Variants in ARHGAP18 observed in about 807,000 individuals in gnomAD.
ARHGAP18 encodes the protein Rho GTPase activating protein 18, also known as rho GTPase-activating protein 18.
A neutral mutation model predicts 86.2 loss-of-function variants in ARHGAP18; 67 were observed. That is an observed-to-expected ratio of 0.78 (90% CI 0.64 to 0.95). ARHGAP18 has a LOEUF of 0.95. ARHGAP18 is among the 40% of genes least tolerant of loss of function. The pLI is 0.00. For missense variants in ARHGAP18, 691 were observed against 780.4 expected (o/e 0.89, Z 1.37); for synonymous variants, 283 against 280.4 (o/e 1.01, Z -0.09).
chr6:129,603,634 T>C (rs1279297687), intron 10 of ARHGAP18, among the ~76,000 whole-genome samples: 1 of 152,198 alleles, frequency 6.6e-6, no homozygotes, highest in Non-Finnish European at 1.5e-5. Context: ...ACAATGTATA[T>C]AATGAGCTTC....
chr6:129,687,575 T>A (rs1264368209), intron 1 of ARHGAP18, among the ~76,000 whole-genome samples: 1 of 152,194 alleles, frequency 6.6e-6, no homozygotes. Flanking sequence ...AGAGGATCTT[T>A]GCTCTAGGAA....
At chr6:129,686,761 T>C (rs1774430581) in intron 1 of ARHGAP18, among the ~76,000 whole-genome samples, 1 of 152,066 alleles carries the variant, frequency 6.6e-6, no homozygotes, top group South Asian at 2.1e-4. Flanking sequence ...CCCGTCATCT[T>C]TCACTGAATT....
chr6:129,625,377 TA>T (rs1789372485), intron 5 of ARHGAP18, among the ~76,000 whole-genome samples: 2 of 82,518 alleles, frequency 2.4e-5, no homozygotes, highest in East Asian at 3.9e-4. Context: ...TTATATATAT[TA>T]TATATTATAT....
At chr6:129,585,429 G>A (rs1265576643) in intron 12 of ARHGAP18, among the ~76,000 whole-genome samples, 1 of 152,160 alleles carries the variant, frequency 6.6e-6, no homozygotes, top group Non-Finnish European at 1.5e-5. Flanking sequence ...TACCCTAAAA[G>A]ATTTAATATT....
intron 4 of ARHGAP18, among the ~76,000 whole-genome samples, chr6:129,630,037 T>G (rs1773164515): frequency 6.6e-6 from 1 of 152,132 alleles, no homozygotes; most frequent in African/African-American, 2.4e-5. Context: ...ATAGTAAAAA[T>G]TCCAAAACAA....
intron 12 of ARHGAP18, among the ~76,000 whole-genome samples, chr6:129,597,621 G>A (rs1327821540): frequency 6.6e-6 from 1 of 152,002 alleles, no homozygotes; most frequent in African/African-American, 2.4e-5. Flanking sequence ...CCTCGAGGGT[G>A]AGCACCCAGC....
chr6:129,661,969 T>C, intron 1 of ARHGAP18: 1 of 954,028 alleles, frequency 1.0e-6, no homozygotes, highest in Non-Finnish European at 1.2e-6. Flanking sequence ...CTACCTGGTG[T>C]TGCCACACAC....
chr6:129,609,264 C>A (rs927338671), intron 8 of ARHGAP18, among the ~76,000 whole-genome samples: 1 of 152,056 alleles, frequency 6.6e-6, no homozygotes, highest in Non-Finnish European at 1.5e-5. Flanking sequence ...TGCATATTAT[C>A]TTTTAAATTA....
chr6:129,578,274 CTAAT>C lies in ARHGAP18; in HGVS notation c.*235_*238del, dbSNP rs567579596. 1.4e-4 allele frequency: 27 copies of C among 192,046 alleles called. 1 individual carries two copies. Among genetic ancestry groups the C allele is most frequent in the Non-Finnish European group, 2.1e-4 (20 of 95,400 alleles). 11.9% of individuals were successfully genotyped at this position (192,046 alleles called of 1,614,324 possible). On this transcript the variant is annotated 3_prime_UTR_variant, in exon 15 of 15. Transcript: ENST00000368149. ...AGAGCATATGAAAACTGCCCACAAA[CTAAT>C]TAAGCCTCTTTACTCTCACTCCAGA...
chr6:129,701,412 C>G (rs1463267003), intron 1 of ARHGAP18, among the ~76,000 whole-genome samples: 1 of 152,202 alleles, frequency 6.6e-6, no homozygotes, highest in Non-Finnish European at 1.5e-5. Flanking sequence ...AGATCATAAG[C>G]TGCCTGGGGT....
intron 1 of ARHGAP18, among the ~76,000 whole-genome samples, chr6:129,706,714 C>A: frequency 6.6e-6 from 1 of 150,962 alleles, no homozygotes; most frequent in African/African-American, 2.4e-5. Flanking sequence ...TGGTGAAACC[C>A]CGTCTCTACT....
intron 4 of ARHGAP18, among the ~76,000 whole-genome samples, chr6:129,633,646 T>A (rs140265825): frequency 6.8e-4 from 103 of 152,286 alleles, no homozygotes; most frequent in Non-Finnish European, 1.3e-3. Context: ...TGCTGCAAGT[T>A]TGTTGGCTCA....
At chr6:129,594,482 T>C (rs1373462404) in intron 12 of ARHGAP18, among the ~76,000 whole-genome samples, 1 of 152,202 alleles carries the variant, frequency 6.6e-6, no homozygotes, top group Non-Finnish European at 1.5e-5. Flanking sequence ...CTTTATTTTC[T>C]TACTCCATAT....
intron 2 of ARHGAP18, among the ~76,000 whole-genome samples, chr6:129,639,653 G>A (rs117126547): frequency 0.011 from 1,726 of 152,246 alleles, 22 homozygotes; most frequent in Middle Eastern, 0.031. Context: ...CTTCTTGACG[G>A]CAGAAATCAA....
intron 1 of ARHGAP18, among the ~76,000 whole-genome samples, chr6:129,650,264 G>A (rs1373646958): frequency 2.0e-5 from 3 of 151,928 alleles, no homozygotes; most frequent in Non-Finnish European, 2.9e-5. Context: ...TAGGGACATA[G>A]TAACCACCAC....
intron 6 of ARHGAP18, among the ~76,000 whole-genome samples, chr6:129,618,000 C>T (rs1789130824): frequency 6.6e-6 from 1 of 150,916 alleles, no homozygotes; most frequent in Non-Finnish European, 1.5e-5. Flanking sequence ...ATGTGGATTT[C>T]AATACCAATA....
At chr6:129,695,319 A>C (rs1774597136) in intron 1 of ARHGAP18, among the ~76,000 whole-genome samples, 1 of 152,160 alleles carries the variant, frequency 6.6e-6, no homozygotes, top group African/African-American at 2.4e-5. Context: ...TGTTTACACC[A>C]AATATTGAAC....
In ARHGAP18 at chr6:129,618,775, G is replaced by A. The variant is rs200617893; in HGVS notation, c.864C>T (p.Cys288=). The A allele has an allele frequency of 5.6e-6, 9 of 1,613,514 alleles. No individual in the cohort carries two copies. In the South Asian group the frequency reaches 8.8e-5, roughly 16 times the overall value. Residue 288 remains cysteine (C), a synonymous_variant, in exon 6 of 15, where the codon TGC becomes TGT. Coordinates refer to ENST00000368149, the MANE Select transcript of ARHGAP18 (RefSeq NM_033515.3). ...CAGTCAGCTCAATTAGGGCTAAATG[G>A]CAAACTTTCTTCATGTCCTGGGGTG... The part of the protein sequence containing the change: ...DLAPQDMKKV[C]HLALIELTAL...
At chr6:129,709,723 C>A (rs184910535) in intron 1 of ARHGAP18, among the ~76,000 whole-genome samples, 1 of 152,210 alleles carries the variant, frequency 6.6e-6, no homozygotes, top group African/African-American at 2.4e-5. Flanking sequence ...TTCAGATAGA[C>A]CTATTTGATC....
Sources: gnomAD v4.1 joint callset for allele counts (sites outside exome capture counted in the v4.1 genomes callset) on GRCh38, gnomAD v4.1.1 for gene constraint, MANE v1.5 for transcripts, NCBI Gene and HGNC (gene_info 2026-07-23, HGNC 2026-07-21) for gene names.